The following RBM33 variants were observed in gnomAD, a reference collection of about 807,000 sequenced individuals.
RBM33 encodes the protein RNA-binding protein 33.
Under a neutral mutation model 132.6 loss-of-function variants are expected in RBM33, and 28 were observed. The ratio of observed to expected loss-of-function variants is 0.21; its 90% CI spans 0.16 to 0.29. RBM33 has a LOEUF of 0.29. RBM33 is among the 10% of genes least tolerant of loss of function. RBM33 has a pLI of 1.00. For missense variants in RBM33, 1,291 were observed against 1,518.5 expected (o/e 0.85, Z 2.49); for synonymous variants, 634 against 593.0 (o/e 1.07, Z -1.01).
chr7:155,702,161 G>A (rs1799984470), intron 6 of RBM33, among the ~76,000 whole-genome samples: 1 of 152,180 alleles, frequency 6.6e-6, no homozygotes, highest in Non-Finnish European at 1.5e-5. Flanking sequence ...TACCTTTCAT[G>A]ATTAATTACT....
intron 1 of RBM33, among the ~76,000 whole-genome samples, chr7:155,662,109 C>T (rs184279279): frequency 3.3e-5 from 5 of 152,156 alleles, no homozygotes; most frequent in African/African-American, 4.8e-5. Context: ...GATGTTGCTC[C>T]GCAGTGACCA....
Position 155,673,703 on chromosome 7 carries a change from T to TATATAC in RBM33, c.171+789_171+790insTATACA, listed in dbSNP as rs2116908684. On this transcript the variant is annotated intron_variant, in intron 3 of 17. Coordinates refer to ENST00000401878, the MANE Select transcript of RBM33 (RefSeq NM_053043.3). ...GTATATATATACACACATATATACA[T>TATATAC]ACACACGTGTATATATATACACACA... Among the ~76,000 whole-genome samples, 2 of 127,650 alleles carry TATATAC rather than the reference T, an allele frequency of 1.6e-5. 1 individual carries two copies. The highest frequency in any genetic ancestry group is 7.2e-5 in the African/African-American group (2 of 27,594). The allele number at this position is 127,650 out of a possible 152,430, so 83.7% of individuals were successfully genotyped here.
intron 9 of RBM33, 133 bp downstream of exon 9, chr7:155,718,576 C>T (rs768076392): frequency 8.5e-6 from 6 of 705,262 alleles, no homozygotes; most frequent in Non-Finnish European, 1.4e-5. Context: ...ATAATCTCTG[C>T]AATAGAAAAT....
intron 2 of RBM33, among the ~76,000 whole-genome samples, chr7:155,669,904 A>C (rs530382709): frequency 5.9e-5 from 9 of 152,240 alleles, no homozygotes; most frequent in African/African-American, 2.2e-4. Flanking sequence ...GGGCGAATCC[A>C]TCTGGAAGCC....
intron 3 of RBM33, 23 bp downstream of exon 3, chr7:155,672,938 A>T: frequency 6.7e-7 from 1 of 1,483,172 alleles, no homozygotes; most frequent in Non-Finnish European, 9.2e-7. Context: ...TGTCCTTCTG[A>T]GATGAAATAC....
intron 8 of RBM33, among the ~76,000 whole-genome samples, chr7:155,715,865 T>G (rs181181194): frequency 6.6e-6 from 1 of 152,320 alleles, no homozygotes; most frequent in African/African-American, 2.4e-5. Context: ...TCTCAGAGCC[T>G]TACACAGATG....
At chr7:155,652,226 T>G (rs1247652330) in intron 1 of RBM33, among the ~76,000 whole-genome samples, 1 of 152,224 alleles carries the variant, frequency 6.6e-6, no homozygotes, top group Non-Finnish European at 1.5e-5. Flanking sequence ...GCAAACTTTT[T>G]CTGTAAAGGG....
intron 12 of RBM33, among the ~76,000 whole-genome samples, chr7:155,741,245 G>C (rs902915207): frequency 6.8e-6 from 1 of 147,782 alleles, no homozygotes; most frequent in East Asian, 2.0e-4. Context: ...CAGCTCTCTC[G>C]TGTTCTCTTT....
At chr7:155,661,097 GGT>G (rs59345780) in intron 1 of RBM33, among the ~76,000 whole-genome samples, 17,168 of 109,836 alleles carry the variant, frequency 0.16, 1,994 homozygotes, top group Admixed American at 0.33. Flanking sequence ...GTGTGTGTGT[GGT>G]GTGTGTGTGT....
chr7:155,773,568 CAAAAAAAA>C lies in RBM33; in HGVS notation c.3376-971_3376-964del, dbSNP rs201127157. ...AGGCAACAGTGCGAGACTCCATCTC[CAAAAAAAA>C]AAAAAAAAAAAAAAAAAAAGGAGTC... On this transcript the variant is annotated intron_variant, in intron 16 of 17. Coordinates refer to ENST00000401878, the MANE Select transcript of RBM33 (RefSeq NM_053043.3). 2.0e-3 allele frequency among the ~76,000 whole-genome samples: 101 copies of C among 50,476 alleles called. 1 individual carries two copies. Among genetic ancestry groups the C allele is most frequent in the African/African-American group, 7.8e-3 (93 of 11,986 alleles). The allele number at this position is 50,476 out of a possible 152,430, so 33.1% of individuals were successfully genotyped here.
chr7:155,679,739 C>T (rs1799286393), intron 4 of RBM33, among the ~76,000 whole-genome samples: 1 of 152,054 alleles, frequency 6.6e-6, no homozygotes, highest in Admixed American at 6.6e-5. Context: ...ATATTTTAAT[C>T]TTTTGAGTTA....
intron 14 of RBM33, among the ~76,000 whole-genome samples, chr7:155,762,504 GAGA>G (rs1028841092): frequency 6.6e-6 from 1 of 152,232 alleles, no homozygotes; most frequent in African/African-American, 2.4e-5. Context: ...GTTTTGGAGA[GAGA>G]AGATTTGCAG....
intron 1 of RBM33, among the ~76,000 whole-genome samples, chr7:155,646,146 A>G (rs1798183528): frequency 1.3e-5 from 2 of 152,166 alleles, no homozygotes; most frequent in Non-Finnish European, 2.9e-5. Flanking sequence ...TAGAAAGACT[A>G]AGGTGTTATT....
intron 1 of RBM33, among the ~76,000 whole-genome samples, chr7:155,647,863 GGC>G (rs1563125579): frequency 1.0e-3 from 159 of 152,282 alleles, no homozygotes; most frequent in African/African-American, 3.7e-3. Flanking sequence ...GCAAAAACAT[GGC>G]ATTTTGGGGA....
At chr7:155,725,808 T>G (rs983731167) in intron 9 of RBM33, among the ~76,000 whole-genome samples, 1 of 152,222 alleles carries the variant, frequency 6.6e-6, no homozygotes, top group Non-Finnish European at 1.5e-5. Flanking sequence ...TTTAAATTCA[T>G]GTGGTGTTTT....
chr7:155,742,620 T>G (rs1208437541), intron 13 of RBM33, among the ~76,000 whole-genome samples: 2 of 152,246 alleles, frequency 1.3e-5, no homozygotes, highest in Non-Finnish European at 2.9e-5. Flanking sequence ...ATTTACACTA[T>G]TAACCTCTAG....
chr7:155,691,453 T>A (rs1275381676), intron 5 of RBM33, among the ~76,000 whole-genome samples: 2 of 152,286 alleles, frequency 1.3e-5, no homozygotes, highest in African/African-American at 4.8e-5. Context: ...ATTTTGAAGT[T>A]GGAAAACTAA....
chr7:155,749,216 A>C (rs545702964), intron 14 of RBM33, among the ~76,000 whole-genome samples: 1 of 152,224 alleles, frequency 6.6e-6, no homozygotes, highest in Non-Finnish European at 1.5e-5. Flanking sequence ...AAGGCATTTC[A>C]TAACTTCCCA....
chr7:155,765,311 C>T (rs1802177641), intron 15 of RBM33, among the ~76,000 whole-genome samples: 1 of 152,212 alleles, frequency 6.6e-6, no homozygotes, highest in Non-Finnish European at 1.5e-5. Flanking sequence ...TTAGTTACTA[C>T]TGATTTCCAG....
Sources: gnomAD v4.1 joint callset for allele counts (sites outside exome capture counted in the v4.1 genomes callset) on GRCh38, gnomAD v4.1.1 for gene constraint, MANE v1.5 for transcripts, NCBI Gene and HGNC (gene_info 2026-07-23, HGNC 2026-07-21) for gene names.